The following NAALADL2 variants were observed in gnomAD, a reference collection of about 807,000 sequenced individuals.
The protein encoded by NAALADL2 is N-acetylated alpha-linked acidic dipeptidase like 2.
In NAALADL2, 76 loss-of-function variants were observed where a neutral mutation model predicts 87.2. That is an observed-to-expected ratio of 0.87 (90% confidence interval 0.72 to 1.05). The LOEUF (loss-of-function observed/expected upper bound fraction) is 1.05. Ranked by LOEUF, NAALADL2 falls within the 50% of genes least tolerant of loss-of-function variation. The probability of loss-of-function intolerance (pLI) is 0.00; values close to 1 mark genes in which losing one functional copy is unlikely to be tolerated. For missense variants in NAALADL2, 1,089 were observed against 945.8 expected, an observed-to-expected ratio of 1.15 and a Z score of -1.99; for synonymous variants, 354 against 331.0, an observed-to-expected ratio of 1.07 and a Z score of -0.75.
At chr3:175,319,120 T>A (rs1759522332) in intron 4 of NAALADL2, among the ~76,000 whole-genome samples, 1 of 152,266 alleles carries the variant, frequency 6.6e-6, no homozygotes, top group Non-Finnish European at 1.5e-5. Flanking sequence ...GAGTAAGTCT[T>A]AAATGCAGCT....
chr3:175,368,341 G>T (rs1032629633), intron 5 of NAALADL2, among the ~76,000 whole-genome samples: 6 of 152,102 alleles, frequency 3.9e-5, no homozygotes, highest in Middle Eastern at 3.2e-3. Context: ...TCTCTGCCTG[G>T]CTTTGGTATC....
At chr3:174,894,570 G>T (rs1731257225) in intron 1 of NAALADL2, among the ~76,000 whole-genome samples, 1 of 102,940 alleles carries the variant, frequency 9.7e-6, no homozygotes, top group African/African-American at 3.7e-5. Context: ...CTCCAGCCTG[G>T]GCAAAAAGAG....
intron 2 of NAALADL2, among the ~76,000 whole-genome samples, chr3:174,714,352 C>A (rs1730979817): frequency 6.6e-6 from 1 of 152,098 alleles, no homozygotes; most frequent in African/African-American, 2.4e-5. Flanking sequence ...TCGTTGGTAG[C>A]TTGATGGGGA....
intron 5 of NAALADL2, among the ~76,000 whole-genome samples, chr3:175,407,538 T>C (rs1241539488): frequency 6.6e-6 from 1 of 152,176 alleles, no homozygotes; most frequent in Non-Finnish European, 1.5e-5. Flanking sequence ...GAAAAATACA[T>C]TTCTATAATG....
At chr3:175,579,541 T>C (rs1386441098) in intron 10 of NAALADL2, among the ~76,000 whole-genome samples, 1 of 152,226 alleles carries the variant, frequency 6.6e-6, no homozygotes, top group African/African-American at 2.4e-5. Flanking sequence ...CTTTTGCAAA[T>C]GCATTGCGAT....
chr3:174,962,028 T>C (rs1291052373), intron 1 of NAALADL2, among the ~76,000 whole-genome samples: 1 of 151,954 alleles, frequency 6.6e-6, no homozygotes, highest in East Asian at 1.9e-4. Context: ...AGATTTTGTC[T>C]TGGATTTCTA....
At chr3:175,600,149 A>T (rs116691638) in intron 10 of NAALADL2, among the ~76,000 whole-genome samples, 322 of 152,104 alleles carry the variant, frequency 2.1e-3, no homozygotes, top group African/African-American at 7.5e-3. Flanking sequence ...TGAATTTCAT[A>T]TGCAAATACA....
At chr3:175,584,129 C>T (rs1284060809) in intron 10 of NAALADL2, among the ~76,000 whole-genome samples, 3 of 151,836 alleles carry the variant, frequency 2.0e-5, no homozygotes, top group East Asian at 1.9e-4. Flanking sequence ...CCTCCACCTC[C>T]GAGGTTCAAG....
At chr3:175,457,563 T>G (rs192967721) in intron 6 of NAALADL2, among the ~76,000 whole-genome samples, 6 of 152,236 alleles carry the variant, frequency 3.9e-5, no homozygotes, top group South Asian at 2.1e-4. Context: ...TTTCACTCTG[T>G]CACTGCAGTG....
chr3:174,455,158 C>T (rs1715751444), intron 1 of NAALADL2, among the ~76,000 whole-genome samples: 1 of 152,116 alleles, frequency 6.6e-6, no homozygotes, highest in African/African-American at 2.4e-5. Context: ...TGGATATACA[C>T]ACCCTCCCAA....
At chr3:175,559,523 T>G (rs932556017) in intron 9 of NAALADL2, among the ~76,000 whole-genome samples, 1 of 152,208 alleles carries the variant, frequency 6.6e-6, no homozygotes. Context: ...TTTCCACATC[T>G]CACAGGAAAG....
chr3:174,855,140 A>C (rs1457744404), upstream of NAALADL2, among the ~76,000 whole-genome samples: 1 of 152,090 alleles, frequency 6.6e-6, no homozygotes, highest in Non-Finnish European at 1.5e-5. Context: ...TGCCCGGCCT[A>C]TGCTATACTT....
chr3:174,809,517 C>T (rs754669164), intron 3 of NAALADL2, among the ~76,000 whole-genome samples: 70 of 152,206 alleles, frequency 4.6e-4, no homozygotes, highest in Non-Finnish European at 8.2e-4. Context: ...TGACCAAATG[C>T]TTATAAAGCT....
At chr3:175,264,240 A>AT (rs1181771590) in intron 4 of NAALADL2, among the ~76,000 whole-genome samples, 1 of 151,708 alleles carries the variant, frequency 6.6e-6, no homozygotes, top group Non-Finnish European at 1.5e-5. Context: ...CTTATTTTTT[A>AT]TTTTTTGGTT....
chr3:175,506,444 TTAATC>T lies in NAALADL2; in HGVS notation c.1653+34691_1653+34695del, dbSNP rs566995962. ...CTATCATCTTCCACTCTCTAAATGTTTAATCTAATAATTTCAAAGATAAAATATGT... is the reference window on the plus strand; with the variant it reads ...CTATCATCTTCCACTCTCTAAATGTTTAATAATTTCAAAGATAAAATATGT... On this transcript the variant is annotated intron_variant, in intron 9 of 13. Coordinates refer to ENST00000454872, the MANE Select transcript of NAALADL2 (RefSeq NM_207015.3). 1.5e-3 allele frequency among the ~76,000 whole-genome samples: 223 copies of T among 152,344 alleles called. 3 individuals carry two copies. The highest frequency in any genetic ancestry group is 5.1e-3 in the African/African-American group (210 of 41,572).
chr3:174,659,634 T>A (rs1229750335), intron 2 of NAALADL2, among the ~76,000 whole-genome samples: 1 of 152,190 alleles, frequency 6.6e-6, no homozygotes, highest in Non-Finnish European at 1.5e-5. Flanking sequence ...TCACTGGTCT[T>A]CTAATCTCTC....
intron 1 of NAALADL2, among the ~76,000 whole-genome samples, chr3:174,475,960 A>G (rs59364963): frequency 0.029 from 4,457 of 152,140 alleles, 207 homozygotes; most frequent in African/African-American, 0.1. Flanking sequence ...GAGAATAGAT[A>G]TCTCTAGATT....
At chr3:175,013,046 TAC>T (rs547984068) in intron 1 of NAALADL2, among the ~76,000 whole-genome samples, 2,006 of 48,922 alleles carry the variant, frequency 0.041, 205 homozygotes, top group African/African-American at 0.092. Context: ...ATATAATATA[TAC>T]ATAAATATAT....
chr3:175,471,173 T>C (rs1176209143), intron 8 of NAALADL2, among the ~76,000 whole-genome samples: 1 of 152,024 alleles, frequency 6.6e-6, no homozygotes, highest in Non-Finnish European at 1.5e-5. Context: ...TATTACATAG[T>C]ATAGGATCAC....
Sources: gnomAD v4.1 joint callset for allele counts (sites outside exome capture counted in the v4.1 genomes callset) on GRCh38, gnomAD v4.1.1 for gene constraint, MANE v1.5 for transcripts, NCBI Gene and HGNC (gene_info 2026-07-23, HGNC 2026-07-21) for gene names.